The following ZC3H15 variants were observed in gnomAD, a reference collection of about 807,000 sequenced individuals.
ZC3H15 encodes the protein zinc finger CCCH domain-containing protein 15.
Under a neutral mutation model 51.2 loss-of-function variants are expected in ZC3H15, and 15 were observed. The ratio of observed to expected loss-of-function variants is 0.29; its 90% CI spans 0.20 to 0.45. ZC3H15 has a LOEUF of 0.45. ZC3H15 is among the 20% of genes least tolerant of loss of function. ZC3H15 has a pLI of 1.00. For missense variants in ZC3H15, 381 were observed against 494.7 expected, an observed-to-expected ratio of 0.77 and a Z score of 2.18; for synonymous variants, 144 against 162.8, an observed-to-expected ratio of 0.88 and a Z score of 0.88.
intron 9 of ZC3H15, among the ~76,000 whole-genome samples, chr2:186,507,852 A>G (rs1490430502): frequency 6.6e-6 from 1 of 152,204 alleles, no homozygotes; most frequent in East Asian, 1.9e-4. Flanking sequence ...GGCTTTGGTG[A>G]CAATAGGCAC....
intron 6 of ZC3H15, among the ~76,000 whole-genome samples, chr2:186,504,441 A>C (rs973090879): frequency 3.3e-5 from 5 of 152,238 alleles, no homozygotes; most frequent in African/African-American, 9.6e-5. Context: ...ACAGTCTTTT[A>C]AGTACTAGCT....
intron 1 of ZC3H15, among the ~76,000 whole-genome samples, chr2:186,490,566 T>C (rs995953755): frequency 6.6e-6 from 1 of 152,146 alleles, no homozygotes; most frequent in Non-Finnish European, 1.5e-5. Flanking sequence ...ATTAGTGCAT[T>C]TGGGAGAAAA....
chr2:186,488,865 A>G (rs1685150787), intron 1 of ZC3H15: 1 of 152,728 alleles, frequency 6.5e-6, no homozygotes, highest in Non-Finnish European at 1.5e-5. Flanking sequence ...ACCCTCAGTT[A>G]ATTGCAGTTG....
At chr2:186,501,531 T>C (rs1685384948) in intron 4 of ZC3H15, 106 bp downstream of exon 4, 3 of 922,200 alleles carry the variant, frequency 3.3e-6, no homozygotes, top group Admixed American at 2.8e-5. Flanking sequence ...ATAGACTGTT[T>C]ATAAAAAATA....
intron 1 of ZC3H15, among the ~76,000 whole-genome samples, chr2:186,490,410 A>G (rs1322852028): frequency 6.6e-6 from 1 of 152,206 alleles, no homozygotes; most frequent in Non-Finnish European, 1.5e-5. Flanking sequence ...CTATAGAGAC[A>G]GGATCCAGGT....
intron 3 of ZC3H15, chr2:186,500,761 G>T (rs567399015): frequency 8.9e-6 from 4 of 450,448 alleles, no homozygotes; most frequent in African/African-American, 4.0e-5. Flanking sequence ...TGCAACCTCC[G>T]ACTGTCTGGT....
intron 2 of ZC3H15, among the ~76,000 whole-genome samples, chr2:186,499,259 ATATTTTATAAAATGTGACCTGACCTTGT>A (rs1227751386): frequency 2.0e-5 from 3 of 151,592 alleles, no homozygotes; most frequent in Non-Finnish European, 4.4e-5. Context: ...TGCCCTCTTG[ATATTTTATAAAATGTGACCTGACCTTGT>A]TATTGGGTTA....
At chr2:186,507,214 C>T (rs965763233) in intron 9 of ZC3H15, among the ~76,000 whole-genome samples, 7 of 152,056 alleles carry the variant, frequency 4.6e-5, no homozygotes, top group African/African-American at 1.7e-4. Context: ...TTAGGAAAGA[C>T]ATTGAGAAGG....
In ZC3H15 at chr2:186,509,097, A is replaced by C. The variant is rs1262781562; in HGVS notation, c.*364A>C. On this transcript the variant is annotated 3_prime_UTR_variant, in exon 10 of 10. Transcript: ENST00000337859. ...ATATTTAAAATACCCTTCATTTGAC[A>C]CAGTTTTTAATGAGTGATTTAATTT... 6.5e-6 allele frequency: 3 copies of C among 459,848 alleles called. No individual in the cohort carries two copies. Among genetic ancestry groups the C allele is most frequent in the African/African-American group, 2.0e-5 (1 of 50,216 alleles). 28.5% of individuals were successfully genotyped at this position (459,848 alleles called of 1,614,324 possible). A position where few individuals can be genotyped will look rare whatever the true frequency, so the allele number is the denominator to read the frequency against.
At chr2:186,498,959 G>C (rs991144406) in intron 2 of ZC3H15, among the ~76,000 whole-genome samples, 3 of 152,112 alleles carry the variant, frequency 2.0e-5, no homozygotes, top group Admixed American at 6.5e-5. Flanking sequence ...CAGATGCTTT[G>C]TAAGCATCTT....
chr2:186,499,569 TTAAA>T (rs1559010446), intron 2 of ZC3H15: 3 of 456,320 alleles, frequency 6.6e-6, no homozygotes, highest in Non-Finnish European at 1.3e-5. Flanking sequence ...CTGAGCTTCT[TTAAA>T]TAAGCATCTT....
intron 2 of ZC3H15, among the ~76,000 whole-genome samples, chr2:186,497,897 G>A (rs1411539149): frequency 6.6e-6 from 1 of 152,176 alleles, no homozygotes; most frequent in Non-Finnish European, 1.5e-5. Flanking sequence ...CATCGGAAAT[G>A]AGCAGTAGTG....
rs780850186 is a variant in ZC3H15 at position 186,504,159 on chromosome 2, A to C, written c.662A>C (p.Lys221Thr). ...LPPGFVLKKDKKKEEKEDEIS... is the reference protein window; with the variant it reads ...LPPGFVLKKDTKKEEKEDEIS... The stretch of plus-strand genomic sequence containing the variant: ...CCTGGATTTGTGTTGAAAAAAGATA[A>C]AAAGAAAGAAGAGAAAGAAGATGAA... The change falls in exon 6 of 10, where the codon AAA becomes ACA. Residue 221 changes from lysine to threonine, a missense_variant. Physicochemically the swap from Lys to Thr is moderately conservative, Grantham distance 78. Transcript: ENST00000337859. 15 of 1,610,682 alleles carry C rather than the reference A, an allele frequency of 9.3e-6. No individual in the cohort carries two copies. The highest frequency in any genetic ancestry group is 1.2e-5 in the Non-Finnish European group (14 of 1,178,432).
At chr2:186,502,374 AAAAG>A in intron 4 of ZC3H15, 118 bp from the exon 5 acceptor site, 1 of 805,752 alleles carries the variant, frequency 1.2e-6, no homozygotes, top group Non-Finnish European at 1.8e-6. Flanking sequence ...CGTCTCAACA[AAAAG>A]AAAAAGAAAA....
intron 6 of ZC3H15, among the ~76,000 whole-genome samples, chr2:186,504,527 G>C (rs961347633): frequency 1.3e-5 from 2 of 152,142 alleles, no homozygotes; most frequent in Non-Finnish European, 2.9e-5. Flanking sequence ...AATTTTTATA[G>C]TTTTAGATTT....
chr2:186,491,373 C>A, intron 1 of ZC3H15, among the ~76,000 whole-genome samples: 1 of 152,088 alleles, frequency 6.6e-6, no homozygotes, highest in East Asian at 1.9e-4. Flanking sequence ...TCCTTTGATT[C>A]TCTCAGTGGG....
chr2:186,500,250 T>A lies in ZC3H15; in HGVS notation c.246T>A (p.Asn82Lys), dbSNP rs1187240396. The change falls in exon 3 of 10, where the codon AAT becomes AAA. Residue 82 changes from asparagine (N) to lysine (K), a missense_variant. Coordinates refer to ENST00000337859, the MANE Select transcript of ZC3H15 (RefSeq NM_018471.3). ...DDKKKELQEL[N>K]ELFKPVVAAQ... ...AGAAGAAAGAATTGCAGGAGCTAAATGAGCTGTTCAAACCTGTAGTTGCTG... is the reference window on the plus strand; with the variant it reads ...AGAAGAAAGAATTGCAGGAGCTAAAAGAGCTGTTCAAACCTGTAGTTGCTG... The A allele has an allele frequency of 1.9e-6, 3 of 1,613,336 alleles. No homozygotes were observed. The highest frequency in any genetic ancestry group is 1.3e-5 in the African/African-American group (1 of 75,042).
At chr2:186,497,161 T>G in intron 2 of ZC3H15, 1 of 437,876 alleles carries the variant, frequency 2.3e-6, no homozygotes, top group Middle Eastern at 3.5e-4. Flanking sequence ...TATCTCCTTT[T>G]CATTAACTTC....
chr2:186,508,157 G>A (rs1685497254), intron 9 of ZC3H15, among the ~76,000 whole-genome samples: 1 of 152,120 alleles, frequency 6.6e-6, no homozygotes, highest in Non-Finnish European at 1.5e-5. Flanking sequence ...CAAAAGCCAA[G>A]TAGCTGCTTA....
Sources: gnomAD v4.1 joint callset for allele counts (sites outside exome capture counted in the v4.1 genomes callset) on GRCh38, gnomAD v4.1.1 for gene constraint, MANE v1.5 for transcripts, NCBI Gene and HGNC (gene_info 2026-07-23, HGNC 2026-07-21) for gene names.